Variants in MACROD2 observed in about 807,000 individuals in gnomAD.
MACROD2 encodes the protein ADP-ribose glycohydrolase MACROD2.
Under a neutral mutation model 70.4 loss-of-function variants are expected in MACROD2, and 36 were observed. The observed-to-expected ratio is 0.51, with a 90% CI of 0.39 to 0.68. The LOEUF (loss-of-function observed/expected upper bound fraction) is 0.68, where lower values mean the gene tolerates loss of function less well. MACROD2 is among the 30% of genes least tolerant of loss of function. The probability of loss-of-function intolerance (pLI) is 0.00; values close to 1 mark genes in which losing one functional copy is unlikely to be tolerated. For missense variants in MACROD2, 496 were observed against 538.4 expected (o/e 0.92, Z 0.78); for synonymous variants, 172 against 178.8 (o/e 0.96, Z 0.30).
At chr20:15,085,078 CTG>C (rs930472218) in intron 5 of MACROD2, among the ~76,000 whole-genome samples, 2 of 152,116 alleles carry the variant, frequency 1.3e-5, no homozygotes, top group African/African-American at 4.8e-5. Context: ...TAGAATATAA[CTG>C]AGACTCCCTG....
At chr20:14,959,170 T>C (rs1278476600) in intron 5 of MACROD2, among the ~76,000 whole-genome samples, 6 of 152,144 alleles carry the variant, frequency 3.9e-5, no homozygotes, top group Non-Finnish European at 5.9e-5. Context: ...TCGCTCTTGT[T>C]GCCCAGGCTG....
chr20:14,804,540 G>C (rs2072615839), intron 5 of MACROD2, among the ~76,000 whole-genome samples: 1 of 151,974 alleles, frequency 6.6e-6, no homozygotes, highest in Admixed American at 6.6e-5. Context: ...GGAAAACAGT[G>C]AAGTGCCAAA....
chr20:15,556,030 AACTC>A (rs1410249829), intron 8 of MACROD2, among the ~76,000 whole-genome samples: 2 of 151,958 alleles, frequency 1.3e-5, no homozygotes, highest in Non-Finnish European at 2.9e-5. Flanking sequence ...GACTCTTTGG[AACTC>A]ATGCATTCCT....
At chr20:14,314,887 A>G (rs2082599904) in intron 3 of MACROD2, among the ~76,000 whole-genome samples, 1 of 152,200 alleles carries the variant, frequency 6.6e-6, no homozygotes. Flanking sequence ...TTAGACAGGC[A>G]TTATTACTAC....
chr20:15,453,145 A>G (rs2146397282), intron 7 of MACROD2, among the ~76,000 whole-genome samples: 1 of 152,200 alleles, frequency 6.6e-6, no homozygotes, highest in South Asian at 2.1e-4. Context: ...TGTTCTTCTG[A>G]TGACTGGTTT....
chr20:14,228,245 A>G (rs1049623486), intron 3 of MACROD2, among the ~76,000 whole-genome samples: 10 of 151,988 alleles, frequency 6.6e-5, no homozygotes, highest in Non-Finnish European at 2.9e-5. Flanking sequence ...AATGTTAACA[A>G]TTAGGGAATC....
chr20:14,414,800 G>A (rs560938434), intron 3 of MACROD2, among the ~76,000 whole-genome samples: 9 of 152,150 alleles, frequency 5.9e-5, no homozygotes, highest in African/African-American at 2.2e-4. Context: ...TCCTCAGATG[G>A]TCACCTGGCT....
At chr20:15,868,563 A>T (rs1023235243) in intron 9 of MACROD2, among the ~76,000 whole-genome samples, 9 of 151,162 alleles carry the variant, frequency 6.0e-5, no homozygotes, top group Admixed American at 1.3e-4. Context: ...TTCTTTATAT[A>T]CCTTAAGCAA....
chr20:14,793,787 T>C (rs1434007383), intron 5 of MACROD2, among the ~76,000 whole-genome samples: 2 of 152,082 alleles, frequency 1.3e-5, no homozygotes, highest in African/African-American at 2.4e-5. Flanking sequence ...CTTCTCAAGC[T>C]GCTATCTCTA....
chr20:14,964,522 G>A (rs201603967), intron 5 of MACROD2, among the ~76,000 whole-genome samples: 3 of 151,726 alleles, frequency 2.0e-5, no homozygotes, highest in Non-Finnish European at 2.9e-5. Context: ...GCAGTGAGCC[G>A]AGATCGCGCC....
At chr20:15,678,314 A>C (rs1444729579) in intron 8 of MACROD2, among the ~76,000 whole-genome samples, 1 of 151,686 alleles carries the variant, frequency 6.6e-6, no homozygotes, top group Non-Finnish European at 1.5e-5. Context: ...TACAGTGAGC[A>C]ATGATGGTGC....
chr20:15,562,564 G>A (rs959217439), intron 8 of MACROD2, among the ~76,000 whole-genome samples: 1 of 152,186 alleles, frequency 6.6e-6, no homozygotes, highest in Non-Finnish European at 1.5e-5. Flanking sequence ...TTACAGGCTT[G>A]TTGGAGTTCA....
chr20:15,955,151 G>A (rs1401224437), intron 12 of MACROD2, among the ~76,000 whole-genome samples: 1 of 152,112 alleles, frequency 6.6e-6, no homozygotes, highest in Non-Finnish European at 1.5e-5. Context: ...AGGTATTCTA[G>A]TTGGGAAAAA....
chr20:14,802,731 A>G (rs1164041072), intron 5 of MACROD2, among the ~76,000 whole-genome samples: 1 of 150,930 alleles, frequency 6.6e-6, no homozygotes, highest in Non-Finnish European at 1.5e-5. Flanking sequence ...CTGTCTTTGG[A>G]TCTCATTTCT....
chr20:15,809,984 A>G (rs2063803867), intron 8 of MACROD2, among the ~76,000 whole-genome samples: 1 of 150,404 alleles, frequency 6.6e-6, no homozygotes, highest in Non-Finnish European at 1.5e-5. Flanking sequence ...ATTTAGCATT[A>G]GGTATATCTC....
chr20:14,518,038 A>G (rs899564687), intron 4 of MACROD2, among the ~76,000 whole-genome samples: 1 of 152,108 alleles, frequency 6.6e-6, no homozygotes, highest in Non-Finnish European at 1.5e-5. Flanking sequence ...TCAGTTTACA[A>G]TGGTTACTGG....
intron 3 of MACROD2, among the ~76,000 whole-genome samples, chr20:14,266,591 G>A (rs1414957896): frequency 2.0e-5 from 3 of 151,998 alleles, no homozygotes; most frequent in Admixed American, 1.3e-4. Flanking sequence ...AATAGCATAT[G>A]TCCCTCTCTT....
intron 2 of MACROD2, among the ~76,000 whole-genome samples, chr20:14,003,963 A>C (rs927204726): frequency 1.3e-5 from 2 of 152,186 alleles, no homozygotes; most frequent in African/African-American, 4.8e-5. Context: ...ACTGGTATTG[A>C]ATATTTCAGC....
intron 5 of MACROD2, among the ~76,000 whole-genome samples, chr20:15,138,247 C>T (rs535075480): frequency 3.3e-5 from 5 of 152,154 alleles, no homozygotes; most frequent in African/African-American, 9.6e-5. Context: ...GAAATAGTTT[C>T]AGTATATTTT....
Sources: gnomAD v4.1 joint callset for allele counts (sites outside exome capture counted in the v4.1 genomes callset) on GRCh38, gnomAD v4.1.1 for gene constraint, MANE v1.5 for transcripts, NCBI Gene and HGNC (gene_info 2026-07-23, HGNC 2026-07-21) for gene names.